Variants in ZDHHC9 observed in about 807,000 individuals in gnomAD.
ZDHHC9 encodes zDHHC palmitoyltransferase 9, also known as palmitoyltransferase ZDHHC9.
ZDHHC9 carries 3 observed loss-of-function variants against 26.6 expected under a neutral mutation model. The observed-to-expected ratio is 0.11, with a 90% CI of 0.05 to 0.29. The LOEUF (loss-of-function observed/expected upper bound fraction) is 0.29, where lower values mean the gene tolerates loss of function less well. ZDHHC9 is among the 10% of genes least tolerant of loss of function. The pLI is 1.00. For synonymous variants in ZDHHC9, 111 were observed against 109.4 expected (o/e 1.01, Z -0.09); for missense variants, 146 against 296.4 (o/e 0.49, Z 3.73).
Position 129,805,218 on chromosome X carries a change from T to C in ZDHHC9, c.*1152A>G, listed in dbSNP as rs1927485075. The C allele has an allele frequency of 1.8e-5, 2 of 112,174 alleles. No individual in the cohort carries two copies. Among genetic ancestry groups the C allele is most frequent in the Middle Eastern group, 9.3e-3 (2 of 214 alleles). The allele number at this position is 112,174 out of a possible 1,213,427, so 9.2% of individuals were successfully genotyped here. A position where few individuals can be genotyped will look rare whatever the true frequency, so the allele number is the denominator to read the frequency against. ...CGGGGCTTGGAGGAAGCCCCCAGTG[T>C]GGTTACCATAGCCAGAGGTGGGCCG... On this transcript the variant is annotated 3_prime_UTR_variant, in exon 11 of 11. Transcript: ENST00000357166.
intron 5 of ZDHHC9, among the ~76,000 whole-genome samples, chrX:129,817,319 G>A (rs188402287): frequency 9.0e-6 from 1 of 110,961 alleles, no homozygotes; most frequent in African/African-American, 3.3e-5. Context: ...GGTCGTGGTG[G>A]TGCACACCTG....
Position 129,828,963 on chromosome X carries a change from G to A in ZDHHC9, c.328+18C>T. Reference sequence around the variant, plus strand: ...CCACCCACTACACAGCAGCTTGCCAGCTGGTTGGAAGACTCACCTATCTCC... The same window carrying A: ...CCACCCACTACACAGCAGCTTGCCAACTGGTTGGAAGACTCACCTATCTCC... On this transcript the variant is annotated intron_variant, in intron 4 of 10. Coordinates refer to ENST00000357166, the MANE Select transcript of ZDHHC9 (RefSeq NM_016032.4). 8.3e-7 allele frequency: 1 copy of A among 1,211,331 alleles called. No homozygotes were observed. Among genetic ancestry groups the A allele is most frequent in the Non-Finnish European group, 1.1e-6 (1 of 895,405 alleles).
intron 4 of ZDHHC9, among the ~76,000 whole-genome samples, chrX:129,828,629 T>C (rs1362076021): frequency 9.1e-6 from 1 of 109,687 alleles, no homozygotes; most frequent in African/African-American, 3.3e-5. Context: ...TCTAAATAAA[T>C]AAATAAATAA....
Position 129,812,754 on chromosome X carries a change from A to G in ZDHHC9, c.741T>C (p.Thr247=). The G allele has an allele frequency of 8.3e-7, 1 of 1,211,563 alleles. No individual in the cohort carries two copies. The highest frequency in any genetic ancestry group is 1.8e-5 in the South Asian group (1 of 57,010). ...TTGTCTGGTTGAGAGCCACGAGGAA[A>G]GTATGAAATCCAGTCAGTCCCACGA... ...WSVVGLTGFH[T]FLVALNQTTN... The change falls in exon 8 of 11, where the codon ACT becomes ACC. Residue 247 remains threonine, a synonymous_variant. Transcript: ENST00000357166.
rs1471999708 is a variant in ZDHHC9 at position 129,843,815 on chromosome X, C to T, written c.-323G>A. ...TCCTCCCCGGGCCGGGAGGCTGTCT[C>T]CTCCTGACAAGGGGCCCCAGTGGTC... On this transcript the variant is annotated 5_prime_UTR_variant, in exon 1 of 11. Transcript: ENST00000357166. The T allele has an allele frequency of 9.0e-6, 1 of 111,570 alleles. No individual in the cohort carries two copies. The highest frequency in any genetic ancestry group is 1.9e-5 in the Non-Finnish European group (1 of 52,917). 9.2% of individuals were successfully genotyped at this position (111,570 alleles called of 1,213,427 possible). A position where few individuals can be genotyped will look rare whatever the true frequency, so the allele number is the denominator to read the frequency against.
Position 129,823,666 on chromosome X carries a change from T to C in ZDHHC9, c.487+13A>G, listed in dbSNP as rs772883856. The C allele has an allele frequency of 2.5e-6, 3 of 1,212,027 alleles. No homozygotes were observed. The highest frequency in any genetic ancestry group is 3.4e-6 in the Non-Finnish European group (3 of 895,423). ...GCCTTTTCCCTAGGCAATGTCCCTG[T>C]AGTTTTACTCACCCACACAGTTGTC... On this transcript the variant is annotated intron_variant, in intron 5 of 10. Coordinates refer to ENST00000357166, the MANE Select transcript of ZDHHC9 (RefSeq NM_016032.4).
At chrX:129,842,957 A>G (rs1448069858) in intron 2 of ZDHHC9, among the ~76,000 whole-genome samples, 1 of 112,397 alleles carries the variant, frequency 8.9e-6, no homozygotes. Flanking sequence ...CCTAAGTACC[A>G]TCTCTACTCA....
intron 6 of ZDHHC9, 148 bp from the exon 7 acceptor site, chrX:129,813,873 G>C: frequency 3.8e-6 from 2 of 524,683 alleles, no homozygotes; most frequent in Non-Finnish European, 6.5e-6. Context: ...AGGGTGAAGA[G>C]CCTCATCTCC....
chrX:129,810,515 A>G (rs1416332814), intron 10 of ZDHHC9, among the ~76,000 whole-genome samples: 2 of 111,448 alleles, frequency 1.8e-5, no homozygotes, highest in South Asian at 7.6e-4. Context: ...CTCTAATACA[A>G]TCCCCTGACC....
chrX:129,807,190 T>G (rs1331498725), intron 10 of ZDHHC9, among the ~76,000 whole-genome samples: 1 of 112,133 alleles, frequency 8.9e-6, no homozygotes, highest in Non-Finnish European at 1.9e-5. Flanking sequence ...CTCACGCCTG[T>G]AATCCCAGCA....
chrX:129,812,295 G>A (rs910151012), intron 8 of ZDHHC9, among the ~76,000 whole-genome samples: 7 of 112,015 alleles, frequency 6.2e-5, no homozygotes, highest in Non-Finnish European at 1.1e-4. Context: ...ATGTTGGCCA[G>A]GCTGGTCTTG....
intron 3 of ZDHHC9, among the ~76,000 whole-genome samples, chrX:129,833,651 C>T (rs1407156188): frequency 2.7e-5 from 3 of 111,811 alleles, no homozygotes; most frequent in Non-Finnish European, 5.6e-5. Flanking sequence ...AAATGAAGAA[C>T]AAGGGAAATA....
chrX:129,828,387 T>C (rs1928067671), intron 4 of ZDHHC9, among the ~76,000 whole-genome samples: 1 of 109,635 alleles, frequency 9.1e-6, no homozygotes, highest in Admixed American at 9.7e-5. Flanking sequence ...ATTTGGGAGA[T>C]CAAGGCGGGC....
intron 3 of ZDHHC9, among the ~76,000 whole-genome samples, chrX:129,830,350 C>T (rs1426021677): frequency 1.8e-5 from 2 of 111,602 alleles, no homozygotes; most frequent in Non-Finnish European, 3.8e-5. Context: ...TTGTGTGGAT[C>T]AAACGCACTA....
At position 129,806,198 on chromosome X, in the gene ZDHHC9, AT is replaced by A. The variant is rs1927511465; in HGVS notation, c.*171del. On this transcript the variant is annotated 3_prime_UTR_variant, in exon 11 of 11. Transcript: ENST00000357166. ...TTCTGCCACTGCCTTGAGTTCAGAA[AT>A]TTAAAAAAGCTTGCAGCAAGAAAAT... The A allele has an allele frequency of 2.3e-5, 12 of 520,603 alleles. No homozygotes were observed. In the Admixed American group the frequency reaches 2.8e-4, roughly 12 times the overall value. The allele number at this position is 520,603 out of a possible 1,213,427, so 42.9% of individuals were successfully genotyped here.
At chrX:129,813,206 G>C (rs904724382) in intron 7 of ZDHHC9, among the ~76,000 whole-genome samples, 1 of 111,938 alleles carries the variant, frequency 8.9e-6, no homozygotes, top group African/African-American at 3.3e-5. Flanking sequence ...AGAACAGCCT[G>C]GCCAACATGG....
chrX:129,830,441 C>T (rs1928115629), intron 3 of ZDHHC9, among the ~76,000 whole-genome samples: 1 of 112,381 alleles, frequency 8.9e-6, no homozygotes, highest in Non-Finnish European at 1.9e-5. Context: ...TTAACATTAA[C>T]ACCATGATTC....
In ZDHHC9 at chrX:129,806,327, T is replaced by C. The variant is rs189427962; in HGVS notation, c.*43A>G. Reference sequence around the variant, plus strand: ...TTAACTTCTCACCTGAAATCTCTCATAGCCCTAATTAAACACAAACAAAAG... The same window carrying C: ...TTAACTTCTCACCTGAAATCTCTCACAGCCCTAATTAAACACAAACAAAAG... On this transcript the variant is annotated 3_prime_UTR_variant, in exon 11 of 11. Transcript: ENST00000357166. 11 of 1,083,481 alleles carry C rather than the reference T, an allele frequency of 1.0e-5. No homozygotes were observed. The highest frequency in any genetic ancestry group is 5.5e-5 in the African/African-American group (3 of 54,623). The allele number at this position is 1,083,481 out of a possible 1,213,427, so 89.3% of individuals were successfully genotyped here.
chrX:129,806,481 G>C lies in ZDHHC9; in HGVS notation c.984C>G (p.Pro328=), dbSNP rs146317883. 3.1e-5 allele frequency: 37 copies of C among 1,204,994 alleles called. No individual in the cohort carries two copies. The African/African-American group carries it at 5.8e-4, about 19-fold the overall frequency. ...TCTCATTTGAGTTCAGGTGTTCTGT[G>C]GGGGCCTGAGAAGGAAAAGATATGA... ...SSSLLPQSPA[P]TEHLNSNEMP... Residue 328 remains proline (P), a synonymous_variant, in exon 11 of 11, where the codon CCC becomes CCG. Transcript: ENST00000357166.
Sources: allele counts gnomAD v4.1 joint callset (sites outside exome capture counted in the v4.1 genomes callset), GRCh38; gene constraint gnomAD v4.1.1; transcripts MANE v1.5; gene names NCBI Gene and HGNC (gene_info 2026-07-23, HGNC 2026-07-21).